MARCHF5: variants seen among roughly 807,000 people sequenced by gnomAD.
MARCHF5 encodes E3 ubiquitin-protein ligase MARCHF5.
Under a neutral mutation model 36.5 loss-of-function variants are expected in MARCHF5, and 5 were observed. That is an observed-to-expected ratio of 0.14 (90% CI 0.07 to 0.29). The LOEUF is 0.29. Among genes scored for constraint, MARCHF5 ranks in the 10% least tolerant of loss-of-function variants. MARCHF5 has a pLI of 1.00. For missense variants in MARCHF5, 179 were observed against 336.3 expected (o/e 0.53, Z 3.66); for synonymous variants, 103 against 109.9 (o/e 0.94, Z 0.39).
chr10:92,312,921 A>C (rs1000531219), intron 2 of MARCHF5, among the ~76,000 whole-genome samples: 2 of 152,382 alleles, frequency 1.3e-5, no homozygotes, highest in East Asian at 1.9e-4. Context: ...TATGGTTTTA[A>C]GTCTACCTAG....
chr10:92,311,716 TCTC>T (rs1366991285), intron 2 of MARCHF5, among the ~76,000 whole-genome samples: 3 of 152,224 alleles, frequency 2.0e-5, no homozygotes, highest in Non-Finnish European at 4.4e-5. Context: ...TTCTAATACT[TCTC>T]CTTAATTCTT....
chr10:92,330,675 C>T (rs1322797885), intron 2 of MARCHF5, among the ~76,000 whole-genome samples: 1 of 152,172 alleles, frequency 6.6e-6, no homozygotes, highest in African/African-American at 2.4e-5. Context: ...ATCGTTTGCC[C>T]TTTTGGGGTG....
rs141586972 is a variant in MARCHF5, at chr10:92,307,244, CT to C, written c.36-3883del. On this transcript the variant is annotated intron_variant, in intron 1 of 5. Transcript: ENST00000358935. ...GCATGCACGCACGTGCCCTCCCCTCCTTTTTTTTAGCCCTTAAGACTAGTCA... is the reference window on the plus strand; with the variant it reads ...GCATGCACGCACGTGCCCTCCCCTCCTTTTTTTAGCCCTTAAGACTAGTCA... Among the ~76,000 whole-genome samples the C allele has an allele frequency of 3.0e-3, 453 of 149,350 alleles. 4 individuals carry two copies. Among genetic ancestry groups the C allele is most frequent in the Admixed American group, 5.2e-3 (78 of 14,946 alleles).
intron 1 of MARCHF5, among the ~76,000 whole-genome samples, chr10:92,305,714 A>T (rs1429851426): frequency 6.6e-6 from 1 of 152,232 alleles, no homozygotes; most frequent in Non-Finnish European, 1.5e-5. Flanking sequence ...CAGAAATTAC[A>T]ACTTCCTTTT....
At chr10:92,347,442 G>A (rs918665414) in intron 3 of MARCHF5, among the ~76,000 whole-genome samples, 3 of 151,140 alleles carry the variant, frequency 2.0e-5, no homozygotes, top group African/African-American at 7.3e-5. Flanking sequence ...CCAAGATCAT[G>A]CCAAGACTGA....
chr10:92,310,701 C>T (rs1843134823), intron 1 of MARCHF5, among the ~76,000 whole-genome samples: 1 of 151,922 alleles, frequency 6.6e-6, no homozygotes, highest in African/African-American at 2.4e-5. Flanking sequence ...TGAAATCACT[C>T]GTGTAATACT....
At chr10:92,324,414 T>G (rs926688208) in intron 2 of MARCHF5, among the ~76,000 whole-genome samples, 1 of 152,148 alleles carries the variant, frequency 6.6e-6, no homozygotes, top group Non-Finnish European at 1.5e-5. Context: ...CAGGCTAGAG[T>G]GCAGTGGCAC....
intron 1 of MARCHF5, among the ~76,000 whole-genome samples, chr10:92,306,874 C>T (rs758562472): frequency 2.0e-5 from 3 of 152,024 alleles, no homozygotes; most frequent in Non-Finnish European, 2.9e-5. Flanking sequence ...ATGAGCCAGG[C>T]GTGGTGGTGG....
At chr10:92,321,684 C>T (rs1431559734) in intron 2 of MARCHF5, among the ~76,000 whole-genome samples, 1 of 152,000 alleles carries the variant, frequency 6.6e-6, no homozygotes, top group Non-Finnish European at 1.5e-5. Flanking sequence ...GGCTTTTCTT[C>T]ATGGAAAATG....
chr10:92,317,295 C>T (rs1843223771), intron 2 of MARCHF5, among the ~76,000 whole-genome samples: 1 of 152,126 alleles, frequency 6.6e-6, no homozygotes, highest in Non-Finnish European at 1.5e-5. Flanking sequence ...GACAGGGTTT[C>T]ACCACGTTGC....
At chr10:92,295,675 T>C (rs1055504888) in intron 1 of MARCHF5, among the ~76,000 whole-genome samples, 1 of 152,076 alleles carries the variant, frequency 6.6e-6, no homozygotes, top group African/African-American at 2.4e-5. Flanking sequence ...CCCACAGTGC[T>C]GGGATTACAG....
At chr10:92,301,912 T>A (rs1396484110) in intron 1 of MARCHF5, among the ~76,000 whole-genome samples, 2 of 151,858 alleles carry the variant, frequency 1.3e-5, no homozygotes, top group East Asian at 3.9e-4. Context: ...TACAAAAAAA[T>A]TAGCTGGGCA....
At chr10:92,346,782 C>A (rs1008458904) in intron 3 of MARCHF5, among the ~76,000 whole-genome samples, 1 of 152,018 alleles carries the variant, frequency 6.6e-6, no homozygotes, top group African/African-American at 2.4e-5. Context: ...AGTGCCCAAC[C>A]CCTACTTCCT....
chr10:92,300,013 G>A (rs1445065811), intron 1 of MARCHF5, among the ~76,000 whole-genome samples: 2 of 151,958 alleles, frequency 1.3e-5, no homozygotes, highest in African/African-American at 4.8e-5. Flanking sequence ...AAATAAAAAA[G>A]TAACCAGTGT....
Position 92,298,488 on chromosome 10 carries a change from A to G in MARCHF5, c.35+6959A>G, listed in dbSNP as rs151282023. The stretch of plus-strand genomic sequence containing the variant: ...ATACAGTATTGCCAATCAATCTAAA[A>G]CTAAGCTACTTATCTTGACTTCTCA... On this transcript the variant is annotated intron_variant, in intron 1 of 5. Coordinates refer to ENST00000358935, the MANE Select transcript of MARCHF5 (RefSeq NM_017824.5). 9.9e-3 allele frequency among the ~76,000 whole-genome samples: 1,508 copies of G among 152,308 alleles called. 25 individuals are homozygous for G. Among genetic ancestry groups the G allele is most frequent in the African/African-American group, 0.034 (1,411 of 41,568 alleles).
chr10:92,343,823 C>A (rs933157608), intron 3 of MARCHF5, among the ~76,000 whole-genome samples: 12 of 152,216 alleles, frequency 7.9e-5, no homozygotes, highest in African/African-American at 2.9e-4. Context: ...CCTGCCTCTG[C>A]TTCCCAAAGT....
chr10:92,315,055 C>T (rs1183682724), intron 2 of MARCHF5, among the ~76,000 whole-genome samples: 1 of 152,210 alleles, frequency 6.6e-6, no homozygotes, highest in Non-Finnish European at 1.5e-5. Context: ...GCACACAAAG[C>T]TAGTGCTCTA....
intron 2 of MARCHF5, among the ~76,000 whole-genome samples, chr10:92,328,821 A>ATATATATATATATATATATATT (rs372130854): frequency 1.8e-4 from 22 of 122,412 alleles, no homozygotes; most frequent in African/African-American, 6.6e-4. Flanking sequence ...ATATATATAT[A>ATATATATATATATATATATATT]TTTTTTTTTT....
At chr10:92,304,676 C>T (rs530531683) in intron 1 of MARCHF5, among the ~76,000 whole-genome samples, 1 of 152,286 alleles carries the variant, frequency 6.6e-6, no homozygotes, top group East Asian at 1.9e-4. Flanking sequence ...TTTCTAATTG[C>T]TGTGCTGCTA....
Sources: allele counts gnomAD v4.1 joint callset (sites outside exome capture counted in the v4.1 genomes callset), GRCh38; gene constraint gnomAD v4.1.1; transcripts MANE v1.5; gene names NCBI Gene and HGNC (gene_info 2026-07-23, HGNC 2026-07-21).